Variants in ASCC3 observed in about 807,000 individuals in gnomAD.
ASCC3 encodes activating signal cointegrator 1 complex subunit 3.
Under a neutral mutation model 256.3 loss-of-function variants are expected in ASCC3, and 158 were observed. The observed-to-expected ratio is 0.62, with a 90% CI of 0.54 to 0.70. ASCC3 has a LOEUF of 0.70. Among genes scored for constraint, ASCC3 ranks in the 30% least tolerant of loss-of-function variants. The pLI, the probability that ASCC3 is intolerant of heterozygous loss-of-function variation, is 0.00. For synonymous variants in ASCC3, 948 were observed against 883.4 expected, an observed-to-expected ratio of 1.07 and a Z score of -1.30; for missense variants, 2,259 against 2,626.0, an observed-to-expected ratio of 0.86 and a Z score of 3.05.
At position 100,778,693 on chromosome 6, in the gene ASCC3, T is replaced by A. The variant is rs189604216; in HGVS notation, c.1396-11348A>T. On this transcript the variant is annotated intron_variant, in intron 8 of 41. Transcript: ENST00000369162. ...TAACTTAATAAACAAATTTTATTAT[T>A]GAAAGGCTACGTGACATACAACAAT... Among the ~76,000 whole-genome samples the A allele has an allele frequency of 1.3e-4, 20 of 152,238 alleles. No homozygotes were observed. The East Asian group carries it at 3.9e-3, about 29-fold the overall frequency.
chr6:100,854,154 C>CTT (rs76423006), intron 3 of ASCC3, among the ~76,000 whole-genome samples: 10 of 136,424 alleles, frequency 7.3e-5, no homozygotes, highest in Admixed American at 2.2e-4. Context: ...AAGCCAGGTA[C>CTT]TTTTTTTTTT....
intron 11 of ASCC3, among the ~76,000 whole-genome samples, chr6:100,723,893 T>TATATATATAC (rs1234717028): frequency 2.4e-5 from 3 of 123,168 alleles, no homozygotes; most frequent in African/African-American, 9.1e-5. Flanking sequence ...TATATATATA[T>TATATATATAC]ATATTTATAA....
chr6:100,845,643 A>T (rs1403103270), intron 4 of ASCC3, among the ~76,000 whole-genome samples: 1 of 152,146 alleles, frequency 6.6e-6, no homozygotes, highest in Non-Finnish European at 1.5e-5. Context: ...GTCAGTTATT[A>T]TTATTACTAT....
chr6:100,817,162 G>C (rs1200946430), intron 4 of ASCC3, among the ~76,000 whole-genome samples: 1 of 151,750 alleles, frequency 6.6e-6, no homozygotes, highest in Non-Finnish European at 1.5e-5. Context: ...AACTACAATG[G>C]AATGAAACTA....
chr6:100,627,520 C>G (rs566080695), intron 29 of ASCC3, 70 bp downstream of exon 29: 1 of 1,592,868 alleles, frequency 6.3e-7, no homozygotes, highest in East Asian at 2.2e-5. Context: ...GAAACCAACA[C>G]CAATTAGAAG....
chr6:100,657,834 T>C (rs969689594), intron 16 of ASCC3, among the ~76,000 whole-genome samples: 2 of 151,634 alleles, frequency 1.3e-5, no homozygotes, highest in Admixed American at 6.6e-5. Flanking sequence ...TTTATGATGC[T>C]ATACCTTATT....
intron 12 of ASCC3, among the ~76,000 whole-genome samples, chr6:100,716,268 GA>G (rs1463309974): frequency 6.6e-6 from 1 of 151,660 alleles, no homozygotes; most frequent in Non-Finnish European, 1.5e-5. Flanking sequence ...CATATGCCCA[GA>G]AAATATGTAA....
chr6:100,815,986 T>C (rs957599457), intron 4 of ASCC3, among the ~76,000 whole-genome samples: 8 of 151,978 alleles, frequency 5.3e-5, no homozygotes, highest in African/African-American at 1.7e-4. Flanking sequence ...ACCTACAGAA[T>C]GAGAGAAAAT....
chr6:100,745,225 G>T (rs1478150622), intron 10 of ASCC3, among the ~76,000 whole-genome samples: 5 of 152,134 alleles, frequency 3.3e-5, no homozygotes, highest in African/African-American at 4.8e-5. Flanking sequence ...TACTCAGGAG[G>T]TTGAGGCAAG....
intron 4 of ASCC3, among the ~76,000 whole-genome samples, chr6:100,827,744 T>C (rs1382564202): frequency 6.6e-6 from 1 of 152,182 alleles, no homozygotes; most frequent in Non-Finnish European, 1.5e-5. Flanking sequence ...TCATTTTTCC[T>C]TTTTATGTTT....
At chr6:100,615,979 A>G (rs1013629697) in intron 30 of ASCC3, among the ~76,000 whole-genome samples, 8 of 152,178 alleles carry the variant, frequency 5.3e-5, no homozygotes, top group Admixed American at 1.3e-4. Flanking sequence ...TAGTTCTATA[A>G]AAAACAGGTC....
chr6:100,842,100 G>A (rs1301389661), intron 4 of ASCC3, among the ~76,000 whole-genome samples: 1 of 152,128 alleles, frequency 6.6e-6, no homozygotes, highest in Non-Finnish European at 1.5e-5. Flanking sequence ...CCTCATAGCT[G>A]AAAGGACACT....
intron 4 of ASCC3, among the ~76,000 whole-genome samples, chr6:100,815,892 A>G (rs1471291150): frequency 6.6e-6 from 1 of 152,196 alleles, no homozygotes; most frequent in Non-Finnish European, 1.5e-5. Context: ...TGCCAAAAGC[A>G]ATTGCAAAAA....
intron 13 of ASCC3, among the ~76,000 whole-genome samples, chr6:100,702,255 AG>A (rs1368765545): frequency 3.3e-5 from 5 of 152,250 alleles, no homozygotes; most frequent in Admixed American, 2.0e-4. Flanking sequence ...GATACTTAGG[AG>A]GTAAACTAGA....
chr6:100,539,899 T>C (rs184511612), intron 37 of ASCC3, among the ~76,000 whole-genome samples: 119 of 152,334 alleles, frequency 7.8e-4, no homozygotes, highest in Admixed American at 1.4e-3. Flanking sequence ...GTCTTGTTAA[T>C]TATTATATGC....
rs188610431 is a variant in ASCC3 at position 100,692,928 on chromosome 6, T to C, written c.2152-13176A>G. On this transcript the variant is annotated intron_variant, in intron 13 of 41. Coordinates refer to ENST00000369162, the MANE Select transcript of ASCC3 (RefSeq NM_006828.4). ...TACTTTTTTTATAAAATAAAATTAT[T>C]AGGGACCTGATCAGAAGATGTTAAA... Among the ~76,000 whole-genome samples the C allele has an allele frequency of 6.1e-4, 93 of 152,184 alleles. No individual in the cohort carries two copies. In the East Asian group the frequency reaches 0.014, roughly 23 times the overall value.
At chr6:100,598,542 TTAC>T in intron 34 of ASCC3, among the ~76,000 whole-genome samples, 1 of 152,304 alleles carries the variant, frequency 6.6e-6, no homozygotes, top group Middle Eastern at 3.4e-3. Flanking sequence ...TGTTCTTTCA[TTAC>T]TACTGTTTAT....
chr6:100,569,497 C>T (rs1392033438), intron 36 of ASCC3, among the ~76,000 whole-genome samples: 8 of 152,078 alleles, frequency 5.3e-5, no homozygotes, highest in African/African-American at 1.9e-4. Context: ...ATTCTCCTGC[C>T]TCAGCCTCCC....
At chr6:100,644,779 T>C (rs1433003714) in intron 22 of ASCC3, among the ~76,000 whole-genome samples, 2 of 152,116 alleles carry the variant, frequency 1.3e-5, no homozygotes, top group Non-Finnish European at 2.9e-5. Context: ...ACATGACAAA[T>C]ACTGGCCCAA....
Sources: gnomAD v4.1 joint callset for allele counts (sites outside exome capture counted in the v4.1 genomes callset) on GRCh38, gnomAD v4.1.1 for gene constraint, MANE v1.5 for transcripts, NCBI Gene and HGNC (gene_info 2026-07-23, HGNC 2026-07-21) for gene names.